The following FHOD3 variants were observed in gnomAD, a reference collection of about 807,000 sequenced individuals.
FHOD3 encodes FH1/FH2 domain-containing protein 3.
FHOD3 carries 90 observed loss-of-function variants against 173.0 expected under a neutral mutation model. The ratio of observed to expected loss-of-function variants is 0.52; its 90% CI spans 0.44 to 0.62. The LOEUF (loss-of-function observed/expected upper bound fraction) is 0.62, where lower values mean the gene tolerates loss of function less well. Ranked by LOEUF, FHOD3 falls within the 20% of genes least tolerant of loss-of-function variation. The pLI, the probability that FHOD3 is intolerant of heterozygous loss-of-function variation, is 0.00. For missense variants in FHOD3, 1,945 were observed against 2,034.7 expected (o/e 0.96, Z 0.85); for synonymous variants, 828 against 823.0 (o/e 1.01, Z -0.10).
chr18:36,654,692 C>A (rs915959488), intron 13 of FHOD3, among the ~76,000 whole-genome samples: 1 of 152,128 alleles, frequency 6.6e-6, no homozygotes, highest in Non-Finnish European at 1.5e-5. Flanking sequence ...AGGCATGAGA[C>A]CTTGCTTCTA....
At chr18:36,640,170 T>C (rs1040312767) in intron 10 of FHOD3, among the ~76,000 whole-genome samples, 3 of 152,232 alleles carry the variant, frequency 2.0e-5, no homozygotes, top group African/African-American at 7.2e-5. Context: ...CTTTGCATGC[T>C]ACAGGGACAA....
intron 1 of FHOD3, among the ~76,000 whole-genome samples, chr18:36,334,035 G>C (rs57158775): frequency 6.6e-6 from 1 of 152,118 alleles, no homozygotes; most frequent in African/African-American, 2.4e-5. Context: ...CCTCCAGCAG[G>C]TCTGCTCAAG....
At chr18:36,393,453 A>G (rs528953446) in intron 3 of FHOD3, among the ~76,000 whole-genome samples, 25 of 152,164 alleles carry the variant, frequency 1.6e-4, no homozygotes, top group African/African-American at 5.1e-4. Context: ...GCCAGTTGCA[A>G]TGCCCCTAAT....
chr18:36,591,785 G>A (rs2059226370), intron 6 of FHOD3, among the ~76,000 whole-genome samples: 1 of 151,922 alleles, frequency 6.6e-6, no homozygotes, highest in African/African-American at 2.4e-5. Context: ...TTAACCAGAT[G>A]TGGTGGCATG....
intron 10 of FHOD3, among the ~76,000 whole-genome samples, chr18:36,639,154 C>T (rs1381682829): frequency 6.6e-6 from 1 of 152,158 alleles, no homozygotes; most frequent in Non-Finnish European, 1.5e-5. Context: ...ATGCTTAGTT[C>T]CTGCTGTTTC....
At chr18:36,339,275 C>T (rs1396370232) in intron 1 of FHOD3, among the ~76,000 whole-genome samples, 1 of 151,994 alleles carries the variant, frequency 6.6e-6, no homozygotes, top group Admixed American at 6.6e-5. Flanking sequence ...TTCTATGGGC[C>T]CCACCATCCA....
intron 3 of FHOD3, among the ~76,000 whole-genome samples, chr18:36,394,173 C>A (rs187721461): frequency 6.6e-6 from 1 of 152,058 alleles, no homozygotes; most frequent in East Asian, 1.9e-4. Flanking sequence ...TTTTCTGAGC[C>A]GTCTCCTGGG....
At chr18:36,298,804 G>T (rs963968687) in intron 1 of FHOD3, among the ~76,000 whole-genome samples, 2 of 150,988 alleles carry the variant, frequency 1.3e-5, no homozygotes, top group African/African-American at 4.9e-5. Context: ...AAAACCTTTT[G>T]CAGGAGGATA....
In FHOD3 at chr18:36,546,578, CCA is replaced by C. The variant is rs1438137245; in HGVS notation, c.512-29872_512-29871del. Among the ~76,000 whole-genome samples the C allele has an allele frequency of 4.6e-5, 7 of 152,266 alleles. 1 individual carries two copies. The highest frequency in any genetic ancestry group is 4.6e-4 in the Admixed American group (7 of 15,296). ...CTAGGAAGTTCCCCTTGTTCCGTAT[CCA>C]GCACCAGGAAGGGAGGGTGTCAGGC... On this transcript the variant is annotated intron_variant, in intron 5 of 28. Transcript: ENST00000590592.
At chr18:36,622,966 G>A (rs2033824959) in intron 9 of FHOD3, among the ~76,000 whole-genome samples, 1 of 152,200 alleles carries the variant, frequency 6.6e-6, no homozygotes, top group African/African-American at 2.4e-5. Context: ...TGACTGCCAA[G>A]CATGAGGCTA....
chr18:36,507,387 C>G (rs2055360881), intron 4 of FHOD3, among the ~76,000 whole-genome samples: 1 of 152,176 alleles, frequency 6.6e-6, no homozygotes, highest in Non-Finnish European at 1.5e-5. Flanking sequence ...GGGTTCCATC[C>G]TTGAGATATG....
At chr18:36,509,458 C>G (rs1181909995) in intron 4 of FHOD3, among the ~76,000 whole-genome samples, 2 of 138,792 alleles carry the variant, frequency 1.4e-5, no homozygotes, top group South Asian at 2.2e-4. Context: ...AAAAAGAAAA[C>G]AGTATTTATG....
intron 14 of FHOD3, among the ~76,000 whole-genome samples, chr18:36,660,953 A>G (rs1474672651): frequency 1.3e-5 from 2 of 152,214 alleles, no homozygotes; most frequent in African/African-American, 4.8e-5. Flanking sequence ...GTAGCTTCTA[A>G]GAGTCTATCA....
chr18:36,765,239 C>G (rs1342656695), intron 27 of FHOD3, among the ~76,000 whole-genome samples: 2 of 152,134 alleles, frequency 1.3e-5, no homozygotes, highest in Non-Finnish European at 2.9e-5. Flanking sequence ...GCACCTTGAA[C>G]AGATACTTAC....
intron 14 of FHOD3, among the ~76,000 whole-genome samples, chr18:36,674,237 T>C (rs1215703209): frequency 1.3e-5 from 2 of 152,206 alleles, no homozygotes; most frequent in Non-Finnish European, 2.9e-5. Flanking sequence ...TGCACCTGTG[T>C]TTTCTGTCAC....
chr18:36,298,009 C>T lies in FHOD3; in HGVS notation c.165+9C>T, dbSNP rs759345400. On this transcript the variant is annotated intron_variant, in intron 1 of 28. Coordinates refer to ENST00000590592, the MANE Select transcript of FHOD3 (RefSeq NM_001281740.3). ...TGCAGGCGCCGCACAAGGTACGACC[C>T]GGCGGGGTGGGCTGGGCCCCCTGGA... is the stretch of plus-strand genomic sequence containing the variant. 11 of 1,529,450 alleles carry T rather than the reference C, an allele frequency of 7.2e-6. No homozygotes were observed. Among genetic ancestry groups the T allele is most frequent in the Non-Finnish European group, 7.9e-6 (9 of 1,139,352 alleles). The allele number at this position is 1,529,450 out of a possible 1,614,324, so 94.7% of individuals were successfully genotyped here.
chr18:36,565,716 G>A (rs1033803347), intron 5 of FHOD3, among the ~76,000 whole-genome samples: 10 of 152,008 alleles, frequency 6.6e-5, no homozygotes, highest in African/African-American at 2.4e-4. Flanking sequence ...TTATTGAATG[G>A]CAACAGAAAA....
Position 36,742,844 on chromosome 18 carries a change from A to C in FHOD3, c.3867A>C (p.Leu1289=). The C allele has an allele frequency of 6.2e-7, 1 of 1,613,300 alleles. No homozygotes were observed. The highest frequency in any genetic ancestry group is 2.2e-5 in the East Asian group (1 of 44,856). Residue 1289 remains leucine (L), a synonymous_variant, in exon 22 of 29, where the codon CTA becomes CTC. Transcript: ENST00000590592. ...LSTLLAIGNF[L]NGTNAKAFEL... is the part of the protein sequence containing the mutation. ...CTCTCTTAGCCATTGGGAACTTTCT[A>C]AATGGAACTAATGTAAGTCATCCCC...
At chr18:36,626,417 G>T (rs1239550168) in intron 10 of FHOD3, among the ~76,000 whole-genome samples, 3 of 152,186 alleles carry the variant, frequency 2.0e-5, no homozygotes, top group African/African-American at 7.2e-5. Context: ...AATCCTATGA[G>T]ATATTATATG....
Sources: allele counts gnomAD v4.1 joint callset (sites outside exome capture counted in the v4.1 genomes callset), GRCh38; gene constraint gnomAD v4.1.1; transcripts MANE v1.5; gene names NCBI Gene and HGNC (gene_info 2026-07-23, HGNC 2026-07-21).